Variants in PCDHGA8 observed in about 807,000 individuals in gnomAD.
The protein encoded by PCDHGA8 is protocadherin gamma-A8.
In PCDHGA8, 45 loss-of-function variants were observed where a neutral mutation model predicts 59.2. The ratio of observed to expected loss-of-function variants is 0.76; its 90% CI spans 0.60 to 0.98. PCDHGA8 has a LOEUF of 0.98. PCDHGA8 is among the 50% of genes least tolerant of loss of function. The pLI, the probability that PCDHGA8 is intolerant of heterozygous loss-of-function variation, is 0.00. For synonymous variants in PCDHGA8, 531 were observed against 519.0 expected, an observed-to-expected ratio of 1.02 and a Z score of -0.32; for missense variants, 1,257 against 1,196.2, an observed-to-expected ratio of 1.05 and a Z score of -0.75.
intron 1 of PCDHGA8, among the ~76,000 whole-genome samples, chr5:141,449,131 G>A (rs530494400): frequency 7.9e-5 from 12 of 152,220 alleles, no homozygotes; most frequent in Non-Finnish European, 1.3e-4. Flanking sequence ...CCCAGAAATG[G>A]AATTGAAATT....
intron 1 of PCDHGA8, among the ~76,000 whole-genome samples, chr5:141,446,764 G>A (rs2098514605): frequency 6.6e-6 from 1 of 152,214 alleles, no homozygotes; most frequent in Non-Finnish European, 1.5e-5. Context: ...ACCGCGCCCA[G>A]CCGGTTACCA....
chr5:141,408,817 G>T (rs2095174337), intron 1 of PCDHGA8: 2 of 1,613,438 alleles, frequency 1.2e-6, no homozygotes, highest in Admixed American at 1.7e-5. Context: ...GGGAAGAACA[G>T]AGATCTCATA....
chr5:141,394,300 T>A lies in PCDHGA8; in HGVS notation c.1487T>A (p.Leu496Gln), dbSNP rs753637808. The stretch of plus-strand genomic sequence containing the variant: ...ACTTACTCTGTGACCGAGGACACGC[T>A]GCAGGGGGCGCCCCTGTCCTCGTAT... ...QVTYSVTEDT[L>Q]QGAPLSSYIS... Residue 496 changes from leucine to glutamine, a missense_variant, in exon 1 of 4, where the codon CTG (leucine) becomes CAG (glutamine). Physicochemically the swap from Leu to Gln is moderately radical, Grantham distance 113. Coordinates refer to ENST00000398604, the MANE Select transcript of PCDHGA8 (RefSeq NM_032088.2). The A allele has an allele frequency of 6.2e-7, 1 of 1,613,938 alleles. No individual in the cohort carries two copies. The highest frequency in any genetic ancestry group is 1.7e-5 in the Admixed American group (1 of 60,020).
chr5:141,471,338 A>G (rs1562030662), intron 1 of PCDHGA8: 1 of 152,234 alleles, frequency 6.6e-6, no homozygotes, highest in Non-Finnish European at 1.5e-5. Context: ...GGTATGATCC[A>G]CTGCGCCCGG....
rs563876979 is a variant in PCDHGA8, at chr5:141,417,900, G to A, written c.2424+22663G>A. 5 of 1,583,452 alleles carry A rather than the reference G, an allele frequency of 3.2e-6. No individual in the cohort carries two copies. Among genetic ancestry groups the A allele is most frequent in the South Asian group, 2.3e-5 (2 of 88,062 alleles). On this transcript the variant is annotated intron_variant, in intron 1 of 3. Coordinates refer to ENST00000398604, the MANE Select transcript of PCDHGA8 (RefSeq NM_032088.2). ...GCGCAGAGGCGCCGGGCCGGCCCGC[G>A]GCAGGTACTATTTCCTTTGCTGCTG...
intron 1 of PCDHGA8, chr5:141,405,312 A>G: frequency 1.2e-6 from 2 of 1,614,208 alleles, no homozygotes; most frequent in Non-Finnish European, 8.5e-7. Context: ...AGCTGTGAGA[A>G]AAATGAGCCT....
At position 141,486,272 on chromosome 5, in the gene PCDHGA8, A is replaced by C. The variant is rs2099627166; in HGVS notation, c.2425-8535A>C. On this transcript the variant is annotated intron_variant, in intron 1 of 3. Transcript: ENST00000398604. The surrounding 1 kb of genome is among the most constrained non-coding windows in gnomAD (Gnocchi z 5.0). ...CCTCCCCGAGAGTGCAGAACCTGGC[A>C]CTGTGGTGGCACTTATCAGTGTGCA... 1 of 1,613,886 alleles carries C rather than the reference A, an allele frequency of 6.2e-7. No individual in the cohort carries two copies. Among genetic ancestry groups the C allele is most frequent in the Non-Finnish European group, 8.5e-7 (1 of 1,179,986 alleles).
intron 1 of PCDHGA8, chr5:141,471,227 T>C (rs2099253010): frequency 6.6e-6 from 1 of 151,604 alleles, no homozygotes; most frequent in Admixed American, 6.6e-5. Flanking sequence ...TTTTTTGTAT[T>C]TTTAGTAGAG....
chr5:141,409,720 A>C (rs2095305667), intron 1 of PCDHGA8: 1 of 1,613,176 alleles, frequency 6.2e-7, no homozygotes, highest in Non-Finnish European at 8.5e-7. Context: ...CATACGTGTC[A>C]GTGAGCGCGC....
At position 141,393,508 on chromosome 5, in the gene PCDHGA8, T is replaced by A. The variant is rs540869636; in HGVS notation, c.695T>A (p.Val232Glu). ...RSSTVRIHVT[V>E]LDTNDNAPVF... Reference sequence around the variant, plus strand: ...AGCACAGTGCGCATCCACGTGACAGTGTTGGATACAAATGACAATGCCCCG... The same window carrying A: ...AGCACAGTGCGCATCCACGTGACAGAGTTGGATACAAATGACAATGCCCCG... The change falls in exon 1 of 4, where the codon GTG (valine) becomes GAG (glutamate). Residue 232 changes from valine (V) to glutamate (E), a missense_variant. Val to Glu is a moderately radical substitution (Grantham distance 121). Coordinates refer to ENST00000398604, the MANE Select transcript of PCDHGA8 (RefSeq NM_032088.2). 1.2e-6 allele frequency: 2 copies of A among 1,614,010 alleles called. No individual in the cohort carries two copies. The highest frequency in any genetic ancestry group is 4.5e-5 in the East Asian group (2 of 44,886).
In PCDHGA8 at chr5:141,476,210, G is replaced by A; in HGVS notation, c.2425-18597G>A. ...TGGTGCCTTGAACAAGGCTTCCACG[G>A]TCATTCACTATGAGATCCCGGAGGA... is the stretch of plus-strand genomic sequence containing the variant. On this transcript the variant is annotated intron_variant, in intron 1 of 3. Coordinates refer to ENST00000398604, the MANE Select transcript of PCDHGA8 (RefSeq NM_032088.2). The surrounding 1 kb of genome is among the most constrained non-coding windows in gnomAD (Gnocchi z 7.6). 6.2e-7 allele frequency: 1 copy of A among 1,614,012 alleles called. No individual in the cohort carries two copies. Among genetic ancestry groups the A allele is most frequent in the Non-Finnish European group, 8.5e-7 (1 of 1,180,012 alleles).
At chr5:141,473,682 G>A (rs2099326903) in intron 1 of PCDHGA8, among the ~76,000 whole-genome samples, 1 of 152,186 alleles carries the variant, frequency 6.6e-6, no homozygotes, top group Admixed American at 6.5e-5. Context: ...GGGAAGGGCT[G>A]GGGTTCTGAC....
At chr5:141,453,451 T>C (rs1052905667) in intron 1 of PCDHGA8, among the ~76,000 whole-genome samples, 1 of 152,096 alleles carries the variant, frequency 6.6e-6, no homozygotes, top group Non-Finnish European at 1.5e-5. Flanking sequence ...TTTTTGAATA[T>C]GTAAAACATT....
In PCDHGA8 at chr5:141,474,057, G is replaced by A. The variant is rs546654716; in HGVS notation, c.2425-20750G>A. Among the ~76,000 whole-genome samples, 3 of 152,192 alleles carry A rather than the reference G, an allele frequency of 2.0e-5. No homozygotes were observed. In the East Asian group the frequency reaches 5.8e-4, roughly 29 times the overall value. On this transcript the variant is annotated intron_variant, in intron 1 of 3. Transcript: ENST00000398604. ...TGTACTCCAGCCTGGATGACAGAGC[G>A]AGATCCTGCCTCAGAAACAAAAACC... is the stretch of plus-strand genomic sequence containing the variant.
At chr5:141,397,543 G>A (rs547149193) in intron 1 of PCDHGA8, among the ~76,000 whole-genome samples, 17 of 152,282 alleles carry the variant, frequency 1.1e-4, no homozygotes, top group African/African-American at 3.8e-4. Flanking sequence ...TTTGAAATCA[G>A]TATAGTATGA....
At chr5:141,399,063 A>C in intron 1 of PCDHGA8, 1 of 1,613,714 alleles carries the variant, frequency 6.2e-7, no homozygotes. Flanking sequence ...AGGAATATTC[A>C]ATGGTTGTAG....
At chr5:141,396,781 G>T (rs1270995904) in intron 1 of PCDHGA8, 1 of 152,204 alleles carries the variant, frequency 6.6e-6, no homozygotes, top group East Asian at 1.9e-4. Context: ...TTAATGAAAA[G>T]GACATTTCCT....
chr5:141,416,006 G>A, intron 1 of PCDHGA8: 1 of 253,216 alleles, frequency 3.9e-6, no homozygotes, highest in Non-Finnish European at 7.3e-6. Context: ...GGTCTGGTAA[G>A]AATAGGTAAG....
At chr5:141,439,412 T>G (rs2098111019) in intron 1 of PCDHGA8, among the ~76,000 whole-genome samples, 1 of 152,194 alleles carries the variant, frequency 6.6e-6, no homozygotes, top group Admixed American at 6.5e-5. Flanking sequence ...CTAACATCAC[T>G]GAGGTTATAA....
Sources: gnomAD v4.1 joint callset for allele counts (sites outside exome capture counted in the v4.1 genomes callset) on GRCh38, gnomAD v4.1.1 for gene constraint, Gnocchi (gnomAD v3.1) non-coding constraint, MANE v1.5 for transcripts, NCBI Gene and HGNC (gene_info 2026-07-23, HGNC 2026-07-21) for gene names.